The following GNPTAB variants were observed in gnomAD, a reference collection of about 807,000 sequenced individuals.
The protein encoded by GNPTAB is N-acetylglucosamine-1-phosphate transferase subunits alpha and beta, also known as N-acetylglucosamine-1-phosphotransferase subunits alpha/beta.
Under a neutral mutation model 136.6 loss-of-function variants are expected in GNPTAB, and 92 were observed. The observed-to-expected ratio is 0.67, with a 90% CI of 0.57 to 0.80. The LOEUF is 0.80. GNPTAB is among the 30% of genes least tolerant of loss of function. The pLI, the probability that GNPTAB is intolerant of heterozygous loss-of-function variation, is 0.00. For synonymous variants in GNPTAB, 512 were observed against 535.1 expected, an observed-to-expected ratio of 0.96 and a Z score of 0.60; for missense variants, 1,343 against 1,501.8, an observed-to-expected ratio of 0.89 and a Z score of 1.75.
intron 1 of GNPTAB, among the ~76,000 whole-genome samples, chr12:101,799,852 T>TA (rs1404889555): frequency 1.4e-5 from 2 of 146,812 alleles, no homozygotes; most frequent in Non-Finnish European, 3.0e-5. Flanking sequence ...AATCAGCCTC[T>TA]AGATTTGGGG....
rs182294031 is a variant in GNPTAB, at chr12:101,776,013, G to A, written c.771+4139C>T. On this transcript the variant is annotated intron_variant, in intron 7 of 20. Coordinates refer to ENST00000299314, the MANE Select transcript of GNPTAB (RefSeq NM_024312.5). The stretch of plus-strand genomic sequence containing the variant: ...TTCCCCCATGTCTCTGACCCACACA[G>A]ACTTTTCCTGTTTCCAACTGCCAAC... Among the ~76,000 whole-genome samples the A allele has an allele frequency of 4.6e-5, 7 of 152,212 alleles. No individual in the cohort carries two copies. In the East Asian group the frequency reaches 1.4e-3, roughly 29 times the overall value.
At chr12:101,794,231 G>C (rs1004040397) in intron 2 of GNPTAB, among the ~76,000 whole-genome samples, 1 of 152,202 alleles carries the variant, frequency 6.6e-6, no homozygotes, top group Non-Finnish European at 1.5e-5. Flanking sequence ...ACATTTTACA[G>C]ATGACAAAAT....
Position 101,788,600 on chromosome 12 carries a change from G to C in GNPTAB, c.324-11C>G. The stretch of plus-strand genomic sequence containing the variant: ...TTCCCAAGGATTTCTCTAATAAAAA[G>C]CAAATACAGTTTATTACATACATAT... On this transcript the variant is annotated splice_polypyrimidine_tract_variant and intron_variant, in intron 3 of 20. Transcript: ENST00000299314. 1 of 1,467,178 alleles carries C rather than the reference G, an allele frequency of 6.8e-7. No homozygotes were observed. The highest frequency in any genetic ancestry group is 1.1e-5 in the South Asian group (1 of 87,962). The allele number at this position is 1,467,178 out of a possible 1,614,324, so 90.9% of individuals were successfully genotyped here.
At chr12:101,770,663 C>T in intron 8 of GNPTAB, 78 bp from the exon 9 acceptor site, 3 of 1,013,490 alleles carry the variant, frequency 3.0e-6, no homozygotes, top group Non-Finnish European at 3.1e-6. Context: ...TTTCCTTCTG[C>T]CCGTCTGCTC....
intron 4 of GNPTAB, among the ~76,000 whole-genome samples, chr12:101,787,636 C>T (rs983230975): frequency 3.3e-5 from 5 of 151,974 alleles, no homozygotes; most frequent in South Asian, 4.2e-4. Context: ...CTTCTGAGGC[C>T]GGATGCGGTG....
rs1163344126 is a variant in GNPTAB, at chr12:101,820,290, T to C, written c.117+10269A>G. Reference sequence around the variant, plus strand: ...AGCAAATGAACTTGTCTATCTCGCTTACTTTTGTATCCCAAGATGTTGGTG... The same window carrying C: ...AGCAAATGAACTTGTCTATCTCGCTCACTTTTGTATCCCAAGATGTTGGTG... On this transcript the variant is annotated intron_variant, in intron 1 of 20. Transcript: ENST00000299314. Among the ~76,000 whole-genome samples the C allele has an allele frequency of 2.6e-5, 4 of 152,246 alleles. No individual in the cohort carries two copies. The South Asian group carries it at 8.3e-4, about 31-fold the overall frequency.
chr12:101,779,063 G>T (rs1245735955), intron 7 of GNPTAB: 1 of 151,202 alleles, frequency 6.6e-6, no homozygotes, highest in Non-Finnish European at 1.5e-5. Context: ...ATTTGGTTGG[G>T]GGGTGCATAT....
chr12:101,761,913 T>A (rs982923173), intron 13 of GNPTAB, 150 bp from the exon 14 acceptor site: 4 of 687,154 alleles, frequency 5.8e-6, no homozygotes, highest in Non-Finnish European at 1.0e-5. Context: ...ACTTTAAGGA[T>A]CTAAACTGGA....
chr12:101,765,040 T>G lies in GNPTAB; in HGVS notation c.1877A>C (p.Lys626Thr). The change falls in exon 13 of 21, where the codon AAA becomes ACA. Residue 626 changes from lysine (K) to threonine (T), a missense_variant. Coordinates refer to ENST00000299314, the MANE Select transcript of GNPTAB (RefSeq NM_024312.5). ...TFQNTNDEEF[K>T]MQITVEVDTR... ...GTCCACCTCCACTGTTATCTGCATT[T>G]TGAACTCTTCATCGTTTGTATTTTG... 2 of 1,614,204 alleles carry G rather than the reference T, an allele frequency of 1.2e-6. No homozygotes were observed. The highest frequency in any genetic ancestry group is 2.2e-5 in the East Asian group (1 of 44,890).
intron 1 of GNPTAB, among the ~76,000 whole-genome samples, chr12:101,798,603 A>C (rs1869434136): frequency 6.6e-6 from 1 of 152,242 alleles, no homozygotes. Context: ...ACCGTTTGCA[A>C]TTGAGAGAGG....
rs368213284 is a variant in GNPTAB, at chr12:101,796,635, G to A, written c.203+42C>T. The A allele has an allele frequency of 1.4e-4, 181 of 1,306,790 alleles. No individual in the cohort carries two copies. The African/African-American group carries it at 1.9e-3, about 14-fold the overall frequency. 80.9% of individuals were successfully genotyped at this position (1,306,790 alleles called of 1,614,324 possible). A position where few individuals can be genotyped will look rare whatever the true frequency, so the allele number is the denominator to read the frequency against. On this transcript the variant is annotated intron_variant, in intron 2 of 20. Coordinates refer to ENST00000299314, the MANE Select transcript of GNPTAB (RefSeq NM_024312.5). ...ACAGGATGGCTATTTCATGACTTAC[G>A]ATTTAGGTCCAAATAATAGATTTCT... is the stretch of plus-strand genomic sequence containing the variant.
rs2137144852 is a variant in GNPTAB, at chr12:101,786,225, G to C, written c.366-8C>G. On this transcript the variant is annotated splice_region_variant and splice_polypyrimidine_tract_variant and intron_variant, in intron 4 of 20. Transcript: ENST00000299314. ...CACTCTAACTGCTTCTCACTGGAAA[G>C]AAACACCAACATGCTTACAATTACA... is the stretch of plus-strand genomic sequence containing the variant. 6.2e-7 allele frequency: 1 copy of C among 1,602,024 alleles called. No individual in the cohort carries two copies. The highest frequency in any genetic ancestry group is 2.2e-5 in the East Asian group (1 of 44,724).
rs1180987126 is a variant in GNPTAB at position 101,822,172 on chromosome 12, G to C, written c.117+8387C>G. On this transcript the variant is annotated intron_variant, in intron 1 of 20. Coordinates refer to ENST00000299314, the MANE Select transcript of GNPTAB (RefSeq NM_024312.5). Reference sequence around the variant, plus strand: ...CTCACGCCTGTAATCCCAGCACTTTGGGAGGCCGAGGCGGGCGGATCACGA... The same window carrying C: ...CTCACGCCTGTAATCCCAGCACTTTCGGAGGCCGAGGCGGGCGGATCACGA... Among the ~76,000 whole-genome samples, 10 of 152,306 alleles carry C rather than the reference G, an allele frequency of 6.6e-5. No individual in the cohort carries two copies. The East Asian group carries it at 1.9e-3, about 29-fold the overall frequency.
chr12:101,748,012 C>T (rs999325632), intron 20 of GNPTAB, among the ~76,000 whole-genome samples: 2 of 145,574 alleles, frequency 1.4e-5, no homozygotes, highest in African/African-American at 5.0e-5. Context: ...GTCAGGGCTC[C>T]TTTCCTTCCC....
chr12:101,796,606 AT>A lies in GNPTAB; in HGVS notation c.203+70del, dbSNP rs1869306214. 8 of 999,750 alleles carry A rather than the reference AT, an allele frequency of 8.0e-6. No individual in the cohort carries two copies. In the South Asian group the frequency reaches 1.0e-4, roughly 13 times the overall value. The allele number at this position is 999,750 out of a possible 1,614,324, so 61.9% of individuals were successfully genotyped here. ...TCAGAAAGACCCCTTAAACTGTCAT[AT>A]TTACAGGATGGCTATTTCATGACTT... On this transcript the variant is annotated intron_variant, in intron 2 of 20. Transcript: ENST00000299314.
At chr12:101,784,255 G>C (rs1050669979) in intron 5 of GNPTAB, among the ~76,000 whole-genome samples, 10 of 152,212 alleles carry the variant, frequency 6.6e-5, no homozygotes, top group African/African-American at 2.4e-4. Flanking sequence ...ATGAAGGAGA[G>C]AGGACTTGAA....
intron 8 of GNPTAB, 144 bp downstream of exon 8, chr12:101,770,852 C>A: frequency 1.2e-6 from 1 of 849,792 alleles, no homozygotes. Flanking sequence ...AATACCAAAC[C>A]AATGGCAGTG....
chr12:101,801,065 C>A (rs972215417), intron 1 of GNPTAB, among the ~76,000 whole-genome samples: 1 of 150,632 alleles, frequency 6.6e-6, no homozygotes, highest in South Asian at 2.1e-4. Context: ...GAGACCTCAT[C>A]TCTACAAAAA....
chr12:101,755,151 G>A (rs1161652243), intron 18 of GNPTAB, among the ~76,000 whole-genome samples: 1 of 152,134 alleles, frequency 6.6e-6, no homozygotes, highest in Non-Finnish European at 1.5e-5. Flanking sequence ...AAAACGTGGA[G>A]CTAAAATGAT....
Sources: allele counts gnomAD v4.1 joint callset (sites outside exome capture counted in the v4.1 genomes callset), GRCh38; gene constraint gnomAD v4.1.1; transcripts MANE v1.5; gene names NCBI Gene and HGNC (gene_info 2026-07-23, HGNC 2026-07-21).